Variants in EYA4 observed in about 807,000 individuals in gnomAD.
The protein encoded by EYA4 is EYA transcriptional coactivator and phosphatase 4.
EYA4 carries 31 observed loss-of-function variants against 87.9 expected under a neutral mutation model. That is an observed-to-expected ratio of 0.35 (90% CI 0.27 to 0.48). The LOEUF is 0.48. Among genes scored for constraint, EYA4 ranks in the 20% least tolerant of loss-of-function variants. EYA4 has a pLI of 0.99. For missense variants in EYA4, 678 were observed against 761.4 expected (o/e 0.89, Z 1.29); for synonymous variants, 263 against 270.6 (o/e 0.97, Z 0.28).
intron 2 of EYA4, among the ~76,000 whole-genome samples, chr6:133,354,475 G>A (rs949207286): frequency 1.3e-5 from 2 of 152,062 alleles, no homozygotes; most frequent in East Asian, 1.9e-4. Flanking sequence ...TGTGCTATAC[G>A]TTTAAGGTTC....
intron 2 of EYA4, among the ~76,000 whole-genome samples, chr6:133,293,713 A>G (rs1236548204): frequency 2.0e-5 from 3 of 151,984 alleles, no homozygotes; most frequent in African/African-American, 7.2e-5. Flanking sequence ...AGGCCAGGGG[A>G]TTTCTTGAGC....
intron 11 of EYA4, 145 bp from the exon 12 acceptor site, chr6:133,481,318 T>C (rs1796198801): frequency 1.3e-6 from 1 of 761,872 alleles, no homozygotes; most frequent in Admixed American, 2.1e-5. Context: ...TCTGACTGAC[T>C]TGTGTGTGCT....
At chr6:133,335,567 G>A (rs373969728) in intron 2 of EYA4, among the ~76,000 whole-genome samples, 1 of 152,292 alleles carries the variant, frequency 6.6e-6, no homozygotes, top group Non-Finnish European at 1.5e-5. Context: ...TGTCTTAAGT[G>A]CTGCAGAGTT....
Position 133,531,001 on chromosome 6 carries a change from GT to G in EYA4, c.*2197del, listed in dbSNP as rs1177167288. ...TGAATAAAAACAAATTATCTTTACT[GT>G]ATAGCTGGTTTCTTTAAATGTTGAT... On this transcript the variant is annotated 3_prime_UTR_variant, in exon 20 of 20. Coordinates refer to ENST00000355286, the MANE Select transcript of EYA4 (RefSeq NM_004100.5). 7.4e-7 allele frequency: 1 copy of G among 1,355,460 alleles called. No homozygotes were observed. Among genetic ancestry groups the G allele is most frequent in the African/African-American group, 1.5e-5 (1 of 68,184 alleles). The allele number at this position is 1,355,460 out of a possible 1,614,324, so 84.0% of individuals were successfully genotyped here.
chr6:133,439,976 CT>C (rs1792110814), intron 3 of EYA4, among the ~76,000 whole-genome samples: 1 of 152,214 alleles, frequency 6.6e-6, no homozygotes, highest in South Asian at 2.1e-4. Flanking sequence ...GGACGATACA[CT>C]TTTTACTGCA....
At chr6:133,393,069 A>G (rs1458491089) in intron 3 of EYA4, among the ~76,000 whole-genome samples, 1 of 152,192 alleles carries the variant, frequency 6.6e-6, no homozygotes, top group African/African-American at 2.4e-5. Flanking sequence ...GAGGGCAACA[A>G]CCATCTCTGA....
At chr6:133,367,871 G>A (rs1018895602) in intron 2 of EYA4, among the ~76,000 whole-genome samples, 1 of 152,162 alleles carries the variant, frequency 6.6e-6, no homozygotes, top group South Asian at 2.1e-4. Flanking sequence ...AACCGTTATT[G>A]TTAAATAAAA....
At chr6:133,281,397 A>T (rs1777613821) in intron 2 of EYA4, among the ~76,000 whole-genome samples, 2 of 152,172 alleles carry the variant, frequency 1.3e-5, no homozygotes, top group African/African-American at 2.4e-5. Context: ...ACAAAGATTT[A>T]CTCCTATGAT....
chr6:133,257,062 A>G (rs1429743640), intron 1 of EYA4, among the ~76,000 whole-genome samples: 1 of 152,160 alleles, frequency 6.6e-6, no homozygotes, highest in Non-Finnish European at 1.5e-5. Context: ...TGCCTTTCAG[A>G]AGGAACTCTC....
chr6:133,526,357 A>G (rs1307234390), intron 19 of EYA4, among the ~76,000 whole-genome samples: 1 of 152,150 alleles, frequency 6.6e-6, no homozygotes, highest in African/African-American at 2.4e-5. Flanking sequence ...AGCCTTTGCC[A>G]TTTGCATGTG....
intron 3 of EYA4, among the ~76,000 whole-genome samples, chr6:133,416,683 C>T (rs1562395472): frequency 1.3e-5 from 2 of 152,132 alleles, no homozygotes; most frequent in Non-Finnish European, 1.5e-5. Context: ...ATTTATACAC[C>T]TATATTTTCG....
At chr6:133,470,090 T>C (rs1795202741) in intron 11 of EYA4, among the ~76,000 whole-genome samples, 2 of 150,970 alleles carry the variant, frequency 1.3e-5, no homozygotes, top group Non-Finnish European at 2.9e-5. Context: ...AGCTCTTTAG[T>C]TTAATTAGAT....
chr6:133,501,788 TG>T (rs1273477880), intron 13 of EYA4, among the ~76,000 whole-genome samples: 1 of 152,194 alleles, frequency 6.6e-6, no homozygotes, highest in Non-Finnish European at 1.5e-5. Context: ...AATACATAAT[TG>T]CTGCCTCTCC....
rs139659489 is a variant in EYA4, at chr6:133,462,487, ATCT to A, written c.580+14_580+16del. The A allele has an allele frequency of 0.011, 17,150 of 1,613,946 alleles. 725 individuals are homozygous for A. The highest frequency in any genetic ancestry group is 0.1 in the African/African-American group (7,807 of 74,998). ...AGCTTGCCCACTTACGGTATTTCAC[ATCT>A]TCTGTTTTCTTCTTTGGTTATAGGC... is the stretch of plus-strand genomic sequence containing the variant. On this transcript the variant is annotated intron_variant, in intron 8 of 19. Coordinates refer to ENST00000355286, the MANE Select transcript of EYA4 (RefSeq NM_004100.5).
At chr6:133,414,034 C>T (rs867925080) in intron 3 of EYA4, among the ~76,000 whole-genome samples, 21 of 152,244 alleles carry the variant, frequency 1.4e-4, no homozygotes, top group Non-Finnish European at 7.4e-5. Context: ...TCATTGATCT[C>T]TACTGTTACT....
intron 14 of EYA4, among the ~76,000 whole-genome samples, chr6:133,510,062 A>T (rs1799010225): frequency 6.6e-6 from 1 of 152,200 alleles, no homozygotes; most frequent in Non-Finnish European, 1.5e-5. Flanking sequence ...ATATAACCTC[A>T]ATTATGGAGC....
At chr6:133,287,708 G>A (rs1778176025) in intron 2 of EYA4, among the ~76,000 whole-genome samples, 1 of 152,186 alleles carries the variant, frequency 6.6e-6, no homozygotes. Context: ...TTTTCGGCAA[G>A]AGATTAATAT....
At chr6:133,310,735 G>C (rs952263069) in intron 2 of EYA4, among the ~76,000 whole-genome samples, 21 of 152,184 alleles carry the variant, frequency 1.4e-4, no homozygotes, top group African/African-American at 4.8e-4. Context: ...ATTGCAGACT[G>C]TAGCAGAGTT....
At chr6:133,328,336 A>G (rs1467851061) in intron 2 of EYA4, among the ~76,000 whole-genome samples, 1 of 152,108 alleles carries the variant, frequency 6.6e-6, no homozygotes, top group Admixed American at 6.5e-5. Flanking sequence ...CTCCTCCACC[A>G]TTTGCTAGCT....
Sources: gnomAD v4.1 joint callset for allele counts (sites outside exome capture counted in the v4.1 genomes callset) on GRCh38, gnomAD v4.1.1 for gene constraint, MANE v1.5 for transcripts, NCBI Gene and HGNC (gene_info 2026-07-23, HGNC 2026-07-21) for gene names.